Variants in AHNAK observed in about 807,000 individuals in gnomAD.
AHNAK encodes neuroblast differentiation-associated protein AHNAK.
AHNAK carries 23 observed loss-of-function variants against 37.8 expected under a neutral mutation model. That is an observed-to-expected ratio of 0.61 (90% CI 0.44 to 0.86). The LOEUF (loss-of-function observed/expected upper bound fraction) is 0.86. Ranked by LOEUF, AHNAK falls within the 40% of genes least tolerant of loss-of-function variation. The probability of loss-of-function intolerance (pLI) is 0.00; values close to 1 mark genes in which losing one functional copy is unlikely to be tolerated. For synonymous variants in AHNAK, 2,481 were observed against 2,636.3 expected, an observed-to-expected ratio of 0.94 and a Z score of 1.80; for missense variants, 7,411 against 7,319.4, an observed-to-expected ratio of 1.01 and a Z score of -0.46.
At position 62,522,688 on chromosome 11, in the gene AHNAK, T is replaced by G; in HGVS notation, c.11729A>C (p.Lys3910Thr). 1 of 1,612,584 alleles carries G rather than the reference T, an allele frequency of 6.2e-7. No homozygotes were observed. The highest frequency in any genetic ancestry group is 8.5e-7 in the Non-Finnish European group (1 of 1,179,678). ...GGCATTAATATCCACTTTGGGGCCT[T>G]TAATATCCAAGTCAGGAACTTGCAT... ...GDMQVPDLDI[K>T]GPKVDINAPD... is the part of the protein sequence containing the mutation. The change falls in exon 5 of 5, where the codon AAA (lysine) becomes ACA (threonine). Residue 3910 changes from lysine (K) to threonine (T), a missense_variant. By Grantham distance (78) the Lys-to-Thr change is moderately conservative (BLOSUM62 -1). Coordinates refer to ENST00000378024, the MANE Select transcript of AHNAK (RefSeq NM_001620.3).
intron 4 of AHNAK, among the ~76,000 whole-genome samples, chr11:62,508,440 G>A (rs1939847950): frequency 6.6e-6 from 1 of 152,202 alleles, no homozygotes; most frequent in South Asian, 2.1e-4. Flanking sequence ...AGAACGCAGT[G>A]TGAGATCTCA....
At chr11:62,465,156 T>C (rs1938880272) in intron 5 of AHNAK, among the ~76,000 whole-genome samples, 1 of 152,170 alleles carries the variant, frequency 6.6e-6, no homozygotes. Context: ...CTCTCCCAGT[T>C]GGTGCCAAGC....
At chr11:62,440,931 G>A (rs1037550574) in intron 5 of AHNAK, among the ~76,000 whole-genome samples, 2 of 152,080 alleles carry the variant, frequency 1.3e-5, no homozygotes, top group African/African-American at 2.4e-5. Context: ...TTTGTGAGGC[G>A]AAGACAGGTG....
In AHNAK at chr11:62,521,876, C is replaced by T. The variant is rs779680610; in HGVS notation, c.12541G>A (p.Gly4181Ser). The change falls in exon 5 of 5, where the codon GGC becomes AGC. Residue 4181 changes from glycine (G) to serine (S), a missense_variant. Transcript: ENST00000378024. ...DIDVPDVDVQ[G>S]PDWHLKMPKV... ...GGCATTTTTAAGTGCCAGTCTGGGC[C>T]TTGAACGTCCACATCTGGGACATCA... is the stretch of plus-strand genomic sequence containing the variant. 55 of 1,612,850 alleles carry T rather than the reference C, an allele frequency of 3.4e-5. No homozygotes were observed. The highest frequency in any genetic ancestry group is 1.7e-4 in the Middle Eastern group (1 of 6,052).
chr11:62,542,033 G>C (rs1240308203), intron 1 of AHNAK: 3 of 152,312 alleles, frequency 2.0e-5, no homozygotes, highest in African/African-American at 7.2e-5. Context: ...GCAGTGTGCA[G>C]GGAGGAGGGG....
rs1318114132 is a variant in AHNAK at position 62,521,548 on chromosome 11, T to G, written c.12869A>C (p.Glu4290Ala). 6.2e-7 allele frequency: 1 copy of G among 1,612,742 alleles called. No individual in the cohort carries two copies. The highest frequency in any genetic ancestry group is 8.5e-7 in the Non-Finnish European group (1 of 1,179,742). ...CACTTTGGGGCCCTTGATGTCAACT[T>G]CTGGGCCCTTGAGGTCACCTTCCAC... ...PKVEGDLKGPEVDIKGPKVDI... is the reference protein window; with the variant it reads ...PKVEGDLKGPAVDIKGPKVDI... Residue 4290 changes from glutamate to alanine, a missense_variant, in exon 5 of 5, where the codon GAA becomes GCA. Transcript: ENST00000378024.
rs762528502 is a variant in AHNAK, at chr11:62,445,653, A to G, written c.443-11762T>C. On this transcript the variant is annotated intron_variant, in intron 5 of 5. Coordinates refer to the AHNAK transcript ENST00000257247. ...AGGATCACTTGAGCACGGAAGGTCA[A>G]GGCTATAGTGACCCACGATTGTACC... Among the ~76,000 whole-genome samples the G allele has an allele frequency of 3.3e-4, 51 of 152,256 alleles. 1 individual carries two copies. The highest frequency in any genetic ancestry group is 3.3e-4 in the Admixed American group (5 of 15,284).
rs917914178 is a variant in AHNAK at position 62,522,707 on chromosome 11, C to T, written c.11710G>A (p.Val3904Ile). Residue 3904 changes from valine to isoleucine, a missense_variant, in exon 5 of 5, where the codon GTT (valine) becomes ATT (isoleucine). Physicochemically the swap from Val to Ile is conservative, Grantham distance 29. Transcript: ENST00000378024. Reference protein sequence around the residue: ...SLPKVEGDMQVPDLDIKGPKV... With the variant: ...SLPKVEGDMQIPDLDIKGPKV... ...GGGCCTTTAATATCCAAGTCAGGAACTTGCATGTCACCTTCCACTTTTGGC... is the reference window on the plus strand; with the variant it reads ...GGGCCTTTAATATCCAAGTCAGGAATTTGCATGTCACCTTCCACTTTTGGC... The T allele has an allele frequency of 3.7e-6, 6 of 1,613,190 alleles. No homozygotes were observed. The highest frequency in any genetic ancestry group is 5.1e-6 in the Non-Finnish European group (6 of 1,179,870).
At chr11:62,469,632 AT>A (rs900294287) in intron 5 of AHNAK, among the ~76,000 whole-genome samples, 2 of 146,924 alleles carry the variant, frequency 1.4e-5, no homozygotes, top group African/African-American at 5.0e-5. Context: ...ACCCAGATAA[AT>A]TTTTTTGTAT....
Position 62,519,395 on chromosome 11 carries a change from C to G in AHNAK, c.15022G>C (p.Glu5008Gln). ...CCACCAACACTAATTTCAGGAGTCT[C>G]AAGGTTCAGCTCTGCCTCAGGAACA... ...VTVPEAELNLETPEISVGGKG... is the reference protein window; with the variant it reads ...VTVPEAELNLQTPEISVGGKG... Residue 5008 changes from glutamate to glutamine, a missense_variant, in exon 5 of 5, where the codon GAG becomes CAG. Transcript: ENST00000378024. 1 of 1,613,808 alleles carries G rather than the reference C, an allele frequency of 6.2e-7. No homozygotes were observed. Among genetic ancestry groups the G allele is most frequent in the Non-Finnish European group, 8.5e-7 (1 of 1,179,868 alleles).
intron 5 of AHNAK, among the ~76,000 whole-genome samples, chr11:62,446,181 GC>G (rs1348111342): frequency 2.0e-5 from 3 of 152,080 alleles, no homozygotes. Context: ...AAGAAGAGCT[GC>G]CAACCCACCC....
chr11:62,521,330 C>A lies in AHNAK; in HGVS notation c.13087G>T (p.Gly4363Cys). 1.2e-6 allele frequency: 2 copies of A among 1,613,408 alleles called. No individual in the cohort carries two copies. Among genetic ancestry groups the A allele is most frequent in the Non-Finnish European group, 8.5e-7 (1 of 1,179,852 alleles). The change falls in exon 5 of 5, where the codon GGT becomes TGT. Residue 4363 changes from glycine (G) to cysteine (C), a missense_variant. Transcript: ENST00000378024. The part of the protein sequence containing the change: ...DIDAPDVSIE[G>C]PDAKLKGPKF... The stretch of plus-strand genomic sequence containing the variant: ...GGACCCTTGAGTTTTGCATCTGGAC[C>A]TTCGATACTGACATCAGGGGCATCA...
intron 1 of AHNAK, among the ~76,000 whole-genome samples, chr11:62,543,495 C>T (rs1018695957): frequency 6.6e-6 from 1 of 152,186 alleles, no homozygotes. Flanking sequence ...CACAGTGGGA[C>T]GACACCTGCA....
chr11:62,524,246 C>T lies in AHNAK; in HGVS notation c.10171G>A (p.Asp3391Asn), dbSNP rs757180142. Residue 3391 changes from aspartate to asparagine, a missense_variant, in exon 5 of 5, where the codon GAT (aspartate) becomes AAT (asparagine). By Grantham distance (23) the Asp-to-Asn change is conservative. Transcript: ENST00000378024. The stretch of plus-strand genomic sequence containing the variant: ...TTCACTTTTCCTTGGACCTCGACAT[C>T]AGGAGCATTAATATCAACTTTTGGA... ...TGPKVDINAPDVEVQGKVKGS... is the reference protein window; with the variant it reads ...TGPKVDINAPNVEVQGKVKGS... 2.0e-5 allele frequency: 32 copies of T among 1,613,198 alleles called. No individual in the cohort carries two copies. Among genetic ancestry groups the T allele is most frequent in the Non-Finnish European group, 2.6e-5 (31 of 1,179,812 alleles).
At chr11:62,535,507 G>C (rs933141049) in intron 3 of AHNAK, among the ~76,000 whole-genome samples, 3 of 152,074 alleles carry the variant, frequency 2.0e-5, no homozygotes, top group Non-Finnish European at 4.4e-5. Context: ...AATTAGTCTG[G>C]TGTGGTGGTG....
intron 5 of AHNAK, among the ~76,000 whole-genome samples, chr11:62,471,704 G>A (rs531875397): frequency 4.1e-4 from 62 of 152,302 alleles, no homozygotes; most frequent in African/African-American, 1.5e-3. Context: ...CCCAGTAAAG[G>A]CCTGCTTGGG....
chr11:62,525,773 C>T lies in AHNAK; in HGVS notation c.8644G>A (p.Asp2882Asn). 6.2e-7 allele frequency: 1 copy of T among 1,613,390 alleles called. No individual in the cohort carries two copies. Among genetic ancestry groups the T allele is most frequent in the Non-Finnish European group, 8.5e-7 (1 of 1,179,880 alleles). ...KGPKVDIDVPDVNVQGPDWHL... is the reference protein window; with the variant it reads ...KGPKVDIDVPNVNVQGPDWHL... ...CAGTCTGGACCCTGAACATTAACAT[C>T]TGGGACATCAATGTCCACTTTGGGG... The change falls in exon 5 of 5, where the codon GAT becomes AAT. Residue 2882 changes from aspartate (D) to asparagine (N), a missense_variant. Asp to Asn is a conservative substitution (Grantham distance 23). Coordinates refer to ENST00000378024, the MANE Select transcript of AHNAK (RefSeq NM_001620.3).
chr11:62,471,318 T>G (rs546819696), intron 5 of AHNAK, among the ~76,000 whole-genome samples: 1 of 152,208 alleles, frequency 6.6e-6, no homozygotes, highest in South Asian at 2.1e-4. Flanking sequence ...TGGCATCCAG[T>G]GGGCAGAAGG....
intron 5 of AHNAK, among the ~76,000 whole-genome samples, chr11:62,486,436 T>G (rs922461656): frequency 2.6e-5 from 4 of 151,392 alleles, no homozygotes; most frequent in African/African-American, 7.3e-5. Flanking sequence ...TTGTGCCATT[T>G]TACTCCAGCC....
Sources: gnomAD v4.1 joint callset for allele counts (sites outside exome capture counted in the v4.1 genomes callset) on GRCh38, gnomAD v4.1.1 for gene constraint, MANE v1.5 for transcripts, NCBI Gene and HGNC (gene_info 2026-07-23, HGNC 2026-07-21) for gene names.